Variants in STXBP5L observed in about 807,000 individuals in gnomAD.
STXBP5L encodes the protein syntaxin-binding protein 5-like.
Under a neutral mutation model 144.5 loss-of-function variants are expected in STXBP5L, and 65 were observed. The ratio of observed to expected loss-of-function variants is 0.45; its 90% CI spans 0.37 to 0.55. The LOEUF (loss-of-function observed/expected upper bound fraction) is 0.55, where lower values mean the gene tolerates loss of function less well. STXBP5L is among the 20% of genes least tolerant of loss of function. The pLI, the probability that STXBP5L is intolerant of heterozygous loss-of-function variation, is 0.00. For missense variants in STXBP5L, 1,298 were observed against 1,405.5 expected, an observed-to-expected ratio of 0.92 and a Z score of 1.22; for synonymous variants, 505 against 469.6, an observed-to-expected ratio of 1.08 and a Z score of -0.97.
chr3:121,371,589 A>G (rs1407444475), intron 20 of STXBP5L, among the ~76,000 whole-genome samples: 3 of 152,234 alleles, frequency 2.0e-5, no homozygotes, highest in African/African-American at 7.2e-5. Context: ...TTGAGCAGGC[A>G]TTCACAGCAG....
At chr3:121,338,606 AAAAG>A (rs2044593408) in intron 20 of STXBP5L, among the ~76,000 whole-genome samples, 1 of 149,400 alleles carries the variant, frequency 6.7e-6, no homozygotes, top group Admixed American at 6.7e-5. Context: ...AAAAAAAAAA[AAAAG>A]AGAGAAAGAG....
intron 5 of STXBP5L, among the ~76,000 whole-genome samples, chr3:121,107,675 G>T (rs1277021886): frequency 1.3e-5 from 2 of 152,106 alleles, no homozygotes; most frequent in Non-Finnish European, 2.9e-5. Flanking sequence ...TTTTTGCTTA[G>T]AATTTTCTTG....
intron 3 of STXBP5L, among the ~76,000 whole-genome samples, chr3:120,970,095 A>G (rs1940068901): frequency 6.6e-6 from 1 of 151,978 alleles, no homozygotes; most frequent in South Asian, 2.1e-4. Flanking sequence ...CCCCCCAATA[A>G]TTTGATTTAT....
chr3:121,086,339 T>G (rs1322733522), intron 5 of STXBP5L, among the ~76,000 whole-genome samples: 1 of 152,152 alleles, frequency 6.6e-6, no homozygotes, highest in East Asian at 1.9e-4. Context: ...AGGCATGATA[T>G]TATCATGTTT....
chr3:121,278,447 T>C (rs1472502635), intron 18 of STXBP5L, among the ~76,000 whole-genome samples: 2 of 151,996 alleles, frequency 1.3e-5, no homozygotes, highest in Non-Finnish European at 1.5e-5. Context: ...TAGAATGTCA[T>C]GCATCCTAGT....
intron 20 of STXBP5L, among the ~76,000 whole-genome samples, chr3:121,338,540 G>A (rs866458557): frequency 7.4e-6 from 1 of 134,468 alleles, no homozygotes; most frequent in South Asian, 2.5e-4. Flanking sequence ...CTACTTGGGA[G>A]ACTGAAGCAG....
chr3:120,975,633 G>T (rs1468245340), intron 3 of STXBP5L, among the ~76,000 whole-genome samples: 8 of 152,216 alleles, frequency 5.3e-5, no homozygotes, highest in South Asian at 4.1e-4. Context: ...GTTTTCAAAG[G>T]GAATGCTTCC....
In STXBP5L at chr3:121,280,952, TAAATA is replaced by T. The variant is rs543378359; in HGVS notation, c.2110+1006_2110+1010del. 1.2e-3 allele frequency among the ~76,000 whole-genome samples: 185 copies of T among 150,980 alleles called. 1 individual carries two copies. Among genetic ancestry groups the T allele is most frequent in the Non-Finnish European group, 1.9e-3 (131 of 67,598 alleles). ...ATAACTTTTTAAATTTTTTAATAAG[TAAATA>T]AAATAAAATTTCTACATTGTATTAT... On this transcript the variant is annotated intron_variant, in intron 19 of 26. Transcript: ENST00000471454.
At chr3:121,020,218 A>G (rs1024771640) in intron 3 of STXBP5L, among the ~76,000 whole-genome samples, 10 of 152,144 alleles carry the variant, frequency 6.6e-5, no homozygotes, top group African/African-American at 2.4e-4. Context: ...ATCCAATCCA[A>G]CAAAGACAAA....
At chr3:120,996,464 G>A (rs967727595) in intron 3 of STXBP5L, among the ~76,000 whole-genome samples, 6 of 152,046 alleles carry the variant, frequency 3.9e-5, no homozygotes, top group Non-Finnish European at 4.4e-5. Context: ...ATTTTGAGGA[G>A]TGTTGAGACT....
chr3:121,407,495 T>C lies in STXBP5L; in HGVS notation c.2840T>C (p.Val947Ala). The C allele has an allele frequency of 6.2e-7, 1 of 1,613,424 alleles. No individual in the cohort carries two copies. Among genetic ancestry groups the C allele is most frequent in the Non-Finnish European group, 8.5e-7 (1 of 1,179,530 alleles). Reference protein sequence around the residue: ...FSLPSQTCLYVHNITETSFIL... With the variant: ...FSLPSQTCLYAHNITETSFIL... ...CTGCCTTCTCAGACTTGCCTTTATGTTCATAACATCACGGAGACATCTTTT... is the reference window on the plus strand; with the variant it reads ...CTGCCTTCTCAGACTTGCCTTTATGCTCATAACATCACGGAGACATCTTTT... Residue 947 changes from valine (V) to alanine (A), a missense_variant, in exon 23 of 27, where the codon GTT becomes GCT. By Grantham distance (64) the Val-to-Ala change is moderately conservative (BLOSUM62 0). Transcript: ENST00000471454.
intron 9 of STXBP5L, among the ~76,000 whole-genome samples, chr3:121,200,221 G>T (rs2048086580): frequency 6.6e-6 from 1 of 152,152 alleles, no homozygotes; most frequent in Non-Finnish European, 1.5e-5. Context: ...GAGGGTGTAT[G>T]TGTCCAGGAA....
At chr3:121,074,836 A>G (rs1328227957) in intron 5 of STXBP5L, among the ~76,000 whole-genome samples, 1 of 152,160 alleles carries the variant, frequency 6.6e-6, no homozygotes, top group Non-Finnish European at 1.5e-5. Context: ...GCACCAGACA[A>G]TTTGGCAAAT....
intron 5 of STXBP5L, among the ~76,000 whole-genome samples, chr3:121,083,546 C>T (rs2042347397): frequency 6.6e-6 from 1 of 151,936 alleles, no homozygotes; most frequent in Admixed American, 6.6e-5. Flanking sequence ...GTCTGTTATC[C>T]CAGTTACTCG....
At chr3:120,941,968 A>G (rs996455210) in intron 2 of STXBP5L, among the ~76,000 whole-genome samples, 2 of 151,784 alleles carry the variant, frequency 1.3e-5, no homozygotes, top group Non-Finnish European at 3.0e-5. Flanking sequence ...AACACAAGCC[A>G]TTTAAAACAC....
intron 5 of STXBP5L, among the ~76,000 whole-genome samples, chr3:121,094,743 C>A (rs911017918): frequency 7.9e-5 from 12 of 152,128 alleles, no homozygotes; most frequent in Non-Finnish European, 1.2e-4. Context: ...CAGTCTGTGT[C>A]TTTTAATTGG....
intron 15 of STXBP5L, 108 bp downstream of exon 15, chr3:121,250,871 C>A: frequency 1.1e-6 from 1 of 894,256 alleles, no homozygotes; most frequent in South Asian, 1.7e-5. Context: ...ATTTTTAGCA[C>A]ACATATGTGG....
chr3:121,235,497 CA>C (rs1279169667), intron 12 of STXBP5L, among the ~76,000 whole-genome samples: 1 of 152,022 alleles, frequency 6.6e-6, no homozygotes, highest in Non-Finnish European at 1.5e-5. Flanking sequence ...CAATTTTTCT[CA>C]AAAATTTTCT....
chr3:121,314,570 CAGAGGGAGACCGTGGAGGGAGAGGG>C (rs1250244416), intron 19 of STXBP5L, among the ~76,000 whole-genome samples: 3 of 136,130 alleles, frequency 2.2e-5, no homozygotes, highest in Non-Finnish European at 4.7e-5. Flanking sequence ...GGCTCGGCAT[CAGAGGGAGACCGTGGAGGGAGAGGG>C]AGAGGGAGAG....
Sources: gnomAD v4.1 joint callset for allele counts (sites outside exome capture counted in the v4.1 genomes callset) on GRCh38, gnomAD v4.1.1 for gene constraint, MANE v1.5 for transcripts, NCBI Gene and HGNC (gene_info 2026-07-23, HGNC 2026-07-21) for gene names.